The following KRT7 variants were observed in gnomAD, a reference collection of about 807,000 sequenced individuals.
KRT7 encodes the protein keratin, type II cytoskeletal 7.
A neutral mutation model predicts 42.8 loss-of-function variants in KRT7; 50 were observed. The observed-to-expected ratio is 1.17, with a 90% CI of 0.93 to 1.48. KRT7 has a LOEUF of 1.48. Among genes scored for constraint, KRT7 ranks in the 40% most tolerant of loss-of-function variants. The pLI, the probability that KRT7 is intolerant of heterozygous loss-of-function variation, is 0.00. For synonymous variants in KRT7, 268 were observed against 266.3 expected, an observed-to-expected ratio of 1.01 and a Z score of -0.06; for missense variants, 588 against 637.6, an observed-to-expected ratio of 0.92 and a Z score of 0.84.
Position 52,248,911 on chromosome 12 carries a change from T to C in KRT7, c.*151T>C. 1.5e-6 allele frequency: 1 copy of C among 683,678 alleles called. No individual in the cohort carries two copies. The highest frequency in any genetic ancestry group is 2.2e-6 in the Non-Finnish European group (1 of 461,044). The allele number at this position is 683,678 out of a possible 1,614,324, so 42.4% of individuals were successfully genotyped here. On this transcript the variant is annotated 3_prime_UTR_variant, in exon 9 of 9. Coordinates refer to ENST00000331817, the MANE Select transcript of KRT7 (RefSeq NM_005556.4). ...AATAAAGCAGCCTCATTCTGAGGCC[T>C]GAGTGATCCACGTGCCTGGTATCCT...
At chr12:52,235,658 G>A (rs1222922133) in intron 2 of KRT7, among the ~76,000 whole-genome samples, 3 of 152,206 alleles carry the variant, frequency 2.0e-5, no homozygotes, top group Admixed American at 6.5e-5. Flanking sequence ...CCAAGGCCCC[G>A]AGAGAGAGTA....
chr12:52,250,454 A>G (rs1208590566), downstream of KRT7: 9 of 541,728 alleles, frequency 1.7e-5, no homozygotes, highest in East Asian at 3.4e-4. Flanking sequence ...GCGTCGGTAC[A>G]AAGTGGGGCG....
downstream of KRT7, chr12:52,251,956 G>C (rs1942271652): frequency 3.5e-6 from 2 of 569,760 alleles, no homozygotes; most frequent in African/African-American, 1.9e-5. Flanking sequence ...ACTATCTGAA[G>C]CTCTAAGAAA....
At chr12:52,243,777 C>T (rs555864119) in intron 6 of KRT7, among the ~76,000 whole-genome samples, 2 of 152,362 alleles carry the variant, frequency 1.3e-5, no homozygotes, top group South Asian at 4.1e-4. Context: ...GGCAGCCTGT[C>T]TGAAGTTCTT....
At chr12:52,251,287 G>T (rs536034185), downstream of KRT7, among the ~76,000 whole-genome samples, 1 of 152,290 alleles carries the variant, frequency 6.6e-6, no homozygotes, top group Non-Finnish European at 1.5e-5. Flanking sequence ...GGCCCCAAGG[G>T]TGTCCAATCT....
chr12:52,243,401 C>G (rs1592393714), intron 6 of KRT7: 1 of 443,262 alleles, frequency 2.3e-6, no homozygotes, highest in East Asian at 4.1e-5. Context: ...ACCACTGGTT[C>G]CACATTGATA....
At chr12:52,250,727 G>A (rs1251547442), downstream of KRT7, 3 of 469,306 alleles carry the variant, frequency 6.4e-6, no homozygotes, top group African/African-American at 4.1e-5. Context: ...TTCTATGCGC[G>A]CCCCTCAAAC....
intron 1 of KRT7, 133 bp downstream of exon 1, chr12:52,233,753 G>C (rs1427161972): frequency 1.1e-6 from 1 of 899,064 alleles, no homozygotes; most frequent in Non-Finnish European, 1.8e-6. Flanking sequence ...CCAGTGTTGG[G>C]GACACGATCT....
chr12:52,247,850 G>A (rs1592397170), intron 7 of KRT7: 2 of 369,120 alleles, frequency 5.4e-6, no homozygotes, highest in East Asian at 1.0e-4. Context: ...CCGAATCCCA[G>A]GTGCTCAGGG....
downstream of KRT7, among the ~76,000 whole-genome samples, chr12:52,251,534 G>T (rs1362263343): frequency 6.6e-6 from 1 of 152,184 alleles, no homozygotes. Context: ...TTGCTTCTAA[G>T]CTACAAATCT....
downstream of KRT7, chr12:52,253,726 C>G: frequency 8.1e-7 from 1 of 1,229,668 alleles, no homozygotes; most frequent in Non-Finnish European, 1.1e-6. Context: ...TTGACGACCA[C>G]TGAGGTGTCT....
At chr12:52,253,350 G>A (rs774849917), downstream of KRT7, 24 of 1,612,242 alleles carry the variant, frequency 1.5e-5, no homozygotes, top group Non-Finnish European at 2.0e-5. Context: ...TGGGGAAGTA[G>A]AGTTGCTTAT....
At chr12:52,243,881 C>A (rs1262450442) in intron 6 of KRT7, among the ~76,000 whole-genome samples, 2 of 152,250 alleles carry the variant, frequency 1.3e-5, no homozygotes, top group Admixed American at 1.3e-4. Context: ...GCCTGGAGAG[C>A]AGGGACCCTG....
downstream of KRT7, chr12:52,250,681 C>G: frequency 1.6e-6 from 1 of 613,028 alleles, no homozygotes; most frequent in Non-Finnish European, 3.0e-6. Flanking sequence ...TCCTGGCGGC[C>G]AGAGGCCCCT....
intron 7 of KRT7, among the ~76,000 whole-genome samples, chr12:52,246,875 C>G (rs977742882): frequency 3.3e-5 from 5 of 152,256 alleles, no homozygotes; most frequent in African/African-American, 4.8e-5. Context: ...AGAGTGGTAC[C>G]TGATCTGGCT....
downstream of KRT7, chr12:52,249,233 T>C (rs1356642863): frequency 6.6e-6 from 1 of 152,568 alleles, no homozygotes; most frequent in East Asian, 1.9e-4. Flanking sequence ...CCTCCCCCCA[T>C]GCCCAGAGCT....
At chr12:52,253,308 G>T (rs770976050), downstream of KRT7, 3 of 1,612,928 alleles carry the variant, frequency 1.9e-6, no homozygotes, top group South Asian at 3.3e-5. Flanking sequence ...GTCTCCCCGT[G>T]CCTGATCACC....
chr12:52,239,384 A>G (rs1359860706), intron 4 of KRT7, among the ~76,000 whole-genome samples: 3 of 152,050 alleles, frequency 2.0e-5, no homozygotes, highest in Non-Finnish European at 2.9e-5. Flanking sequence ...AGTATATCCT[A>G]TTTCTTCTGT....
intron 4 of KRT7, 39 bp from the exon 5 acceptor site, chr12:52,241,433 T>A: frequency 6.5e-7 from 1 of 1,535,794 alleles, no homozygotes; most frequent in South Asian, 1.2e-5. Flanking sequence ...GGGCATAGGA[T>A]CCTGCCCTAA....
Sources: allele counts gnomAD v4.1 joint callset (sites outside exome capture counted in the v4.1 genomes callset), GRCh38; gene constraint gnomAD v4.1.1; transcripts MANE v1.5; gene names NCBI Gene and HGNC (gene_info 2026-07-23, HGNC 2026-07-21).